The following GDAP1L1 variants were observed in gnomAD, a reference collection of about 807,000 sequenced individuals.
The protein encoded by GDAP1L1 is ganglioside induced differentiation associated protein 1 like 1.
In GDAP1L1, 21 loss-of-function variants were observed where a neutral mutation model predicts 37.1. The observed-to-expected ratio is 0.57, with a 90% CI of 0.40 to 0.81. GDAP1L1 has a LOEUF of 0.81. Ranked by LOEUF, GDAP1L1 falls within the 40% of genes least tolerant of loss-of-function variation. GDAP1L1 has a pLI of 0.00. For synonymous variants in GDAP1L1, 193 were observed against 209.1 expected, an observed-to-expected ratio of 0.92 and a Z score of 0.67; for missense variants, 362 against 491.6, an observed-to-expected ratio of 0.74 and a Z score of 2.49.
At chr20:44,276,926 T>C (rs1461911795) in intron 5 of GDAP1L1, among the ~76,000 whole-genome samples, 1 of 152,198 alleles carries the variant, frequency 6.6e-6, no homozygotes, top group Non-Finnish European at 1.5e-5. Flanking sequence ...TCCACCTCCT[T>C]TGCATCTTTG....
intron 5 of GDAP1L1, among the ~76,000 whole-genome samples, chr20:44,278,112 C>A (rs1203645483): frequency 6.7e-6 from 1 of 148,640 alleles, no homozygotes; most frequent in East Asian, 2.0e-4. Context: ...TTAGATTGTG[C>A]CACTGCACTC....
intron 3 of GDAP1L1, among the ~76,000 whole-genome samples, 188 bp downstream of exon 3, chr20:44,258,795 G>GTC (rs976304835): frequency 8.0e-5 from 12 of 150,368 alleles, no homozygotes; most frequent in Admixed American, 2.6e-4. Context: ...CACTCTGCTG[G>GTC]TCTCTCTCTC....
intron 2 of GDAP1L1, chr20:44,258,151 G>T: frequency 1.4e-6 from 1 of 717,410 alleles, no homozygotes; most frequent in Admixed American, 2.0e-5. Flanking sequence ...GAGCACCCAG[G>T]TTGCAGCTTC....
At chr20:44,265,213 C>T in intron 5 of GDAP1L1, 1 of 985,404 alleles carries the variant, frequency 1.0e-6, no homozygotes. Flanking sequence ...ACTCTTCCTG[C>T]TCCCAGCTGG....
chr20:44,253,670 A>T (rs972499729), intron 1 of GDAP1L1, among the ~76,000 whole-genome samples: 2 of 152,198 alleles, frequency 1.3e-5, no homozygotes, highest in African/African-American at 4.8e-5. Context: ...TCCAGCCTCC[A>T]GGGGGCAGAG....
intron 5 of GDAP1L1, among the ~76,000 whole-genome samples, chr20:44,276,420 G>GAAAGAAAC (rs2062577838): frequency 7.7e-6 from 1 of 129,790 alleles, no homozygotes; most frequent in Non-Finnish European, 1.6e-5. Flanking sequence ...GAAAAAGAAA[G>GAAAGAAAC]AAAGAAAGAA....
intron 5 of GDAP1L1, 126 bp from the exon 6 acceptor site, chr20:44,278,831 A>G: frequency 1.5e-6 from 1 of 658,330 alleles, no homozygotes; most frequent in Non-Finnish European, 2.7e-6. Context: ...CTGAAGTTGT[A>G]CAGGAATGAG....
In GDAP1L1 at chr20:44,279,553, A is replaced by G. The variant is rs1230273342; in HGVS notation, c.*253A>G. On this transcript the variant is annotated 3_prime_UTR_variant, in exon 6 of 6. Coordinates refer to ENST00000342560, the MANE Select transcript of GDAP1L1 (RefSeq NM_024034.6). ...AGAGAGAGAAAAAACAAAAAACAGA[A>G]AACACGAATGCCTTTTCTATCGATT... is the stretch of plus-strand genomic sequence containing the variant. The G allele has an allele frequency of 1.5e-5, 10 of 647,286 alleles. No individual in the cohort carries two copies. Among genetic ancestry groups the G allele is most frequent in the Non-Finnish European group, 2.9e-5 (10 of 340,886 alleles). The allele number at this position is 647,286 out of a possible 1,614,324, so 40.1% of individuals were successfully genotyped here. A position where few individuals can be genotyped will look rare whatever the true frequency, so the allele number is the denominator to read the frequency against.
intron 3 of GDAP1L1, 35 bp downstream of exon 3, chr20:44,258,642 T>A: frequency 6.6e-6 from 10 of 1,506,364 alleles, no homozygotes; most frequent in Non-Finnish European, 9.1e-6. Context: ...CCCCTCTGCT[T>A]TCCCCCTTTG....
intron 4 of GDAP1L1, among the ~76,000 whole-genome samples, 161 bp downstream of exon 4, chr20:44,263,488 C>T (rs2146023227): frequency 6.6e-6 from 1 of 152,278 alleles, no homozygotes; most frequent in East Asian, 1.9e-4. Context: ...GCTGTTAGAC[C>T]TGGGGTAAGC....
chr20:44,249,653 T>G (rs2073401407), intron 1 of GDAP1L1, among the ~76,000 whole-genome samples: 1 of 152,216 alleles, frequency 6.6e-6, no homozygotes, highest in Admixed American at 6.5e-5. Context: ...AGCTCAGGGC[T>G]GAGGTGGCCC....
At chr20:44,264,361 A>T (rs562757866) in intron 4 of GDAP1L1, 84 bp from the exon 5 acceptor site, 3 of 1,350,276 alleles carry the variant, frequency 2.2e-6, no homozygotes, top group African/African-American at 2.9e-5. Flanking sequence ...TTGCAGAAGA[A>T]GTTCAGCAAA....
At chr20:44,254,795 C>T (rs2073508354) in intron 1 of GDAP1L1, among the ~76,000 whole-genome samples, 2 of 152,178 alleles carry the variant, frequency 1.3e-5, no homozygotes, top group Non-Finnish European at 2.9e-5. Context: ...GCAAGTTACC[C>T]TTCCCTTCCC....
chr20:44,264,651 T>G, intron 5 of GDAP1L1, 92 bp downstream of exon 5: 1 of 1,521,262 alleles, frequency 6.6e-7, no homozygotes. Flanking sequence ...CGCAAAAGTC[T>G]CAGAGGACCT....
At chr20:44,275,562 G>C (rs555667122) in intron 5 of GDAP1L1, among the ~76,000 whole-genome samples, 63 of 152,268 alleles carry the variant, frequency 4.1e-4, no homozygotes, top group African/African-American at 1.5e-3. Flanking sequence ...AGAGACAAAG[G>C]CCCGGAGGCT....
rs1364136668 is a variant in GDAP1L1, at chr20:44,263,307, T to G, written c.625T>G (p.Ser209Ala). The change falls in exon 4 of 6, where the codon TCT becomes GCT. Residue 209 changes from serine (S) to alanine (A), a missense_variant. By Grantham distance (99) the Ser-to-Ala change is moderately conservative (BLOSUM62 1). Transcript: ENST00000342560. Reference protein sequence around the residue: ...EEPQLSEPYLSKQKKLMAKIL... With the variant: ...EEPQLSEPYLAKQKKLMAKIL... ...GCCCCAGCTCTCCGAGCCCTACCTT[T>G]CTAAACAAAAGAAGCTCATGGTGAG... 2 of 1,613,938 alleles carry G rather than the reference T, an allele frequency of 1.2e-6. No individual in the cohort carries two copies. Among genetic ancestry groups the G allele is most frequent in the Admixed American group, 3.3e-5 (2 of 60,022 alleles).
Position 44,247,505 on chromosome 20 carries a change from C to G in GDAP1L1, c.171C>G (p.Ser57Arg), listed in dbSNP as rs755033248. The G allele has an allele frequency of 6.6e-7, 1 of 1,525,324 alleles. No individual in the cohort carries two copies. Among genetic ancestry groups the G allele is most frequent in the Non-Finnish European group, 8.8e-7 (1 of 1,134,122 alleles). 94.5% of individuals were successfully genotyped at this position (1,525,324 alleles called of 1,614,324 possible). A position where few individuals can be genotyped will look rare whatever the true frequency, so the allele number is the denominator to read the frequency against. Residue 57 changes from serine (S) to arginine (R), a missense_variant, in exon 1 of 6, where the codon AGC (serine) becomes AGG (arginine). Around this residue, in one of 2 missense-constraint regions of GDAP1L1, gnomAD observed 277 missense variants for 337.1 expected, o/e 0.82. Transcript: ENST00000342560. ...TGTACCACTGGACCCAGTCCTTCAG[C>G]TCGCAGAAGGTAGAGCCGGGCCGGG... ...LVLYHWTQSF[S>R]SQKVRLVIAE...
chr20:44,258,719 T>G, intron 3 of GDAP1L1, 112 bp downstream of exon 3: 1 of 746,308 alleles, frequency 1.3e-6, no homozygotes, highest in Non-Finnish European at 2.2e-6. Flanking sequence ...CCCTTCCTCC[T>G]CCTTCTCTCC....
intron 1 of GDAP1L1, among the ~76,000 whole-genome samples, chr20:44,256,482 C>T (rs1347861317): frequency 6.6e-6 from 1 of 151,960 alleles, no homozygotes; most frequent in Admixed American, 6.6e-5. Context: ...CCAGCCTGAC[C>T]AACATGGCAA....
Sources: gnomAD v4.1 joint callset for allele counts (sites outside exome capture counted in the v4.1 genomes callset) on GRCh38, gnomAD v4.1.1 for gene constraint, gnomAD v4.1.1 regional missense constraint, MANE v1.5 for transcripts, NCBI Gene and HGNC (gene_info 2026-07-23, HGNC 2026-07-21) for gene names.